The following TRIM44 variants were observed in gnomAD, a reference collection of about 807,000 sequenced individuals.
The protein encoded by TRIM44 is tripartite motif-containing protein 44.
In TRIM44, 13 loss-of-function variants were observed where a neutral mutation model predicts 37.4. The observed-to-expected ratio is 0.35, with a 90% confidence interval of 0.23 to 0.55. TRIM44 has a LOEUF of 0.55. Ranked by LOEUF, TRIM44 falls within the 20% of genes least tolerant of loss-of-function variation. The pLI is 0.89. For synonymous variants in TRIM44, 175 were observed against 157.2 expected (o/e 1.11, Z -0.85); for missense variants, 426 against 437.2 (o/e 0.97, Z 0.23).
chr11:35,817,795 T>A lies in TRIM44; in HGVS notation c.*11410T>A, dbSNP rs1853596401. ...CAACATCCGCCCTTTGTTGTCATGA[T>A]AGTGAGTTCTTGTGAGATCTGGTTG... is the stretch of plus-strand genomic sequence containing the variant. On this transcript the variant is annotated 3_prime_UTR_variant, in exon 5 of 5. Coordinates refer to ENST00000299413, the MANE Select transcript of TRIM44 (RefSeq NM_017583.6). 6.6e-6 allele frequency: 1 copy of A among 152,170 alleles called. No homozygotes were observed. Among genetic ancestry groups the A allele is most frequent in the African/African-American group, 2.4e-5 (1 of 41,448 alleles). The allele number at this position is 152,170 out of a possible 1,614,324, so 9.4% of individuals were successfully genotyped here.
At chr11:35,805,887 AT>A (rs916643030) in intron 4 of TRIM44, among the ~76,000 whole-genome samples, 5 of 152,054 alleles carry the variant, frequency 3.3e-5, no homozygotes, top group African/African-American at 1.2e-4. Context: ...GAAATCTTGG[AT>A]TTTTTTTCCA....
At chr11:35,673,737 A>AT (rs1401315232) in intron 1 of TRIM44, among the ~76,000 whole-genome samples, 1 of 152,022 alleles carries the variant, frequency 6.6e-6, no homozygotes, top group Non-Finnish European at 1.5e-5. Context: ...TAGGCAATTG[A>AT]TTTTTTGGGT....
chr11:35,764,315 A>C (rs79561402), intron 4 of TRIM44, among the ~76,000 whole-genome samples: 1 of 152,190 alleles, frequency 6.6e-6, no homozygotes. Flanking sequence ...CATTACAGTA[A>C]GCAGATTAGG....
At chr11:35,776,021 A>G (rs999244097) in intron 4 of TRIM44, among the ~76,000 whole-genome samples, 2 of 151,920 alleles carry the variant, frequency 1.3e-5, no homozygotes, top group Non-Finnish European at 2.9e-5. Context: ...CTTTTTATTG[A>G]TTGGAATAGT....
chr11:35,688,373 AT>A (rs1196189702), intron 2 of TRIM44, among the ~76,000 whole-genome samples: 2 of 152,214 alleles, frequency 1.3e-5, no homozygotes, highest in Non-Finnish European at 2.9e-5. Context: ...AGATGTCTAA[AT>A]TAATCATTTT....
chr11:35,790,840 T>C (rs1351607902), intron 4 of TRIM44, among the ~76,000 whole-genome samples: 1 of 152,138 alleles, frequency 6.6e-6, no homozygotes, highest in Non-Finnish European at 1.5e-5. Context: ...GGGAAACTCA[T>C]AACAAGAACA....
chr11:35,694,539 G>A (rs1851674005), intron 2 of TRIM44, among the ~76,000 whole-genome samples: 1 of 151,304 alleles, frequency 6.6e-6, no homozygotes, highest in Non-Finnish European at 1.5e-5. Context: ...GCACACAACA[G>A]ACCCCCTTTT....
At chr11:35,794,021 T>C (rs893649796) in intron 4 of TRIM44, among the ~76,000 whole-genome samples, 2 of 152,204 alleles carry the variant, frequency 1.3e-5, no homozygotes, top group African/African-American at 4.8e-5. Flanking sequence ...TTTACAGATA[T>C]GGAAACTTTA....
intron 4 of TRIM44, among the ~76,000 whole-genome samples, chr11:35,766,397 G>A (rs1285957343): frequency 6.6e-6 from 1 of 152,110 alleles, no homozygotes; most frequent in Non-Finnish European, 1.5e-5. Flanking sequence ...AGAGCAGAAG[G>A]GTAAATTGGG....
chr11:35,750,292 A>G (rs1016010664), intron 4 of TRIM44, among the ~76,000 whole-genome samples: 6 of 152,212 alleles, frequency 3.9e-5, no homozygotes, highest in African/African-American at 1.4e-4. Flanking sequence ...TGAGGGGCAT[A>G]TATTTATTCT....
chr11:35,766,220 C>G (rs901120346), intron 4 of TRIM44, among the ~76,000 whole-genome samples: 8 of 152,164 alleles, frequency 5.3e-5, no homozygotes, highest in African/African-American at 1.9e-4. Flanking sequence ...TTACCCTTAT[C>G]TTAACACTGT....
At chr11:35,752,967 T>C (rs2133854182) in intron 4 of TRIM44, among the ~76,000 whole-genome samples, 1 of 152,358 alleles carries the variant, frequency 6.6e-6, no homozygotes, top group East Asian at 1.9e-4. Context: ...GGTAAAAATT[T>C]TGTCCATTTC....
At chr11:35,698,409 C>G (rs1173959) in intron 2 of TRIM44, among the ~76,000 whole-genome samples, 24 of 87,002 alleles carry the variant, frequency 2.8e-4, no homozygotes, top group East Asian at 1.8e-3. Flanking sequence ...CCCACCAACA[C>G]TGTAAAAGTG....
chr11:35,790,351 G>A (rs1043798437), intron 4 of TRIM44, among the ~76,000 whole-genome samples: 1 of 152,318 alleles, frequency 6.6e-6, no homozygotes, highest in Middle Eastern at 3.4e-3. Context: ...TGGCTTATGG[G>A]AGATCTTTTG....
intron 2 of TRIM44, among the ~76,000 whole-genome samples, chr11:35,693,079 A>C (rs1159877926): frequency 6.6e-6 from 1 of 152,134 alleles, no homozygotes; most frequent in Non-Finnish European, 1.5e-5. Flanking sequence ...TTGGTAGACA[A>C]TAAGTGACAT....
At chr11:35,723,235 CTG>C (rs1232021078) in intron 2 of TRIM44, among the ~76,000 whole-genome samples, 8 of 152,182 alleles carry the variant, frequency 5.3e-5, no homozygotes, top group Non-Finnish European at 1.0e-4. Context: ...TCGTACTTCT[CTG>C]TGACTTTTTT....
chr11:35,803,476 A>G (rs926094005), intron 4 of TRIM44, among the ~76,000 whole-genome samples: 2 of 152,144 alleles, frequency 1.3e-5, no homozygotes, highest in African/African-American at 4.8e-5. Context: ...TCATGCCTGT[A>G]ATCCAGCACT....
At chr11:35,766,921 G>A (rs914494758) in intron 4 of TRIM44, among the ~76,000 whole-genome samples, 1 of 152,206 alleles carries the variant, frequency 6.6e-6, no homozygotes, top group African/African-American at 2.4e-5. Flanking sequence ...AACAAATTAT[G>A]TTAGAGATGG....
At chr11:35,751,236 T>C (rs1287067034) in intron 4 of TRIM44, among the ~76,000 whole-genome samples, 1 of 152,362 alleles carries the variant, frequency 6.6e-6, no homozygotes, top group Middle Eastern at 3.4e-3. Context: ...AATCCTTCTA[T>C]GTCTTGATAG....
Sources: allele counts gnomAD v4.1 joint callset (sites outside exome capture counted in the v4.1 genomes callset), GRCh38; gene constraint gnomAD v4.1.1; transcripts MANE v1.5; gene names NCBI Gene and HGNC (gene_info 2026-07-23, HGNC 2026-07-21).